The following ANO1 variants were observed in gnomAD, a reference collection of about 807,000 sequenced individuals.
ANO1 encodes anoctamin 1, also known as anoctamin-1.
ANO1 carries 59 observed loss-of-function variants against 124.0 expected under a neutral mutation model. The observed-to-expected ratio is 0.48, with a 90% CI of 0.39 to 0.59. The LOEUF (loss-of-function observed/expected upper bound fraction) is 0.59. ANO1 is among the 20% of genes least tolerant of loss of function. The pLI is 0.00. For synonymous variants in ANO1, 529 were observed against 532.0 expected (o/e 0.99, Z 0.08); for missense variants, 1,059 against 1,328.0 (o/e 0.80, Z 3.15).
chr11:70,038,757 A>G (rs1857134453), intron 1 of ANO1, among the ~76,000 whole-genome samples: 1 of 152,206 alleles, frequency 6.6e-6, no homozygotes, highest in Non-Finnish European at 1.5e-5. Flanking sequence ...CCGCAGGACC[A>G]GAAGACCTCG....
the ANO1 span, among the ~76,000 whole-genome samples, chr11:69,976,165 C>A: frequency 2.0e-5 from 3 of 152,146 alleles, no homozygotes; most frequent in African/African-American, 7.2e-5. Context: ...TCCAGGACCT[C>A]AGCATGCAAC....
intron 1 of ANO1, among the ~76,000 whole-genome samples, chr11:70,066,407 A>G (rs1857719449): frequency 1.3e-5 from 2 of 152,156 alleles, no homozygotes; most frequent in Admixed American, 1.3e-4. Context: ...GGGGTCCCAG[A>G]GCCCACATGA....
intron 4 of ANO1, 130 bp from the exon 5 acceptor site, chr11:70,105,604 G>T: frequency 3.6e-6 from 3 of 824,910 alleles, no homozygotes; most frequent in East Asian, 2.6e-5. Context: ...CATACCTGGC[G>T]TGCGGACAGA....
intron 1 of ANO1, among the ~76,000 whole-genome samples, chr11:70,053,028 A>G (rs1591059213): frequency 6.6e-6 from 1 of 152,112 alleles, no homozygotes; most frequent in Non-Finnish European, 1.5e-5. Context: ...AATGTTGTTT[A>G]AAAAGGCATG....
At chr11:69,993,545 C>T (rs1434934852) in intron 1 of ANO1, among the ~76,000 whole-genome samples, 5 of 152,152 alleles carry the variant, frequency 3.3e-5, no homozygotes, top group Admixed American at 2.6e-4. Context: ...CCAAAGGTAG[C>T]GTTTGCTTCC....
chr11:70,089,194 G>A (rs2044521675), intron 2 of ANO1, among the ~76,000 whole-genome samples: 1 of 152,182 alleles, frequency 6.6e-6, no homozygotes, highest in South Asian at 2.1e-4. Flanking sequence ...AATCGACAAA[G>A]TCTCTAAAAC....
intron 25 of ANO1, among the ~76,000 whole-genome samples, chr11:70,186,356 A>G (rs11235490): frequency 1.0e-3 from 66 of 63,686 alleles, no homozygotes; most frequent in Middle Eastern, 8.5e-3. Context: ...GGGAGGGAGG[A>G]AGGAAGGAAG....
intron 21 of ANO1, among the ~76,000 whole-genome samples, chr11:70,170,485 G>A (rs575563634): frequency 3.3e-5 from 5 of 152,272 alleles, no homozygotes; most frequent in East Asian, 1.9e-4. Context: ...CCAGCTACCC[G>A]GGAGGCTGAA....
intron 11 of ANO1, among the ~76,000 whole-genome samples, chr11:70,147,334 G>T (rs747729951): frequency 5.3e-5 from 8 of 152,152 alleles, no homozygotes; most frequent in Non-Finnish European, 1.0e-4. Context: ...AGACCTCCCC[G>T]CATTGCCTCC....
chr11:69,968,352 G>C, the ANO1 span, among the ~76,000 whole-genome samples: 1 of 152,186 alleles, frequency 6.6e-6, no homozygotes, highest in African/African-American at 2.4e-5. Flanking sequence ...CTGCCTCTGG[G>C]GCCCTCTGGC....
chr11:70,042,413 G>T (rs917694023), intron 1 of ANO1, among the ~76,000 whole-genome samples: 2 of 152,156 alleles, frequency 1.3e-5, no homozygotes, highest in African/African-American at 4.8e-5. Flanking sequence ...AGAGTTCAAG[G>T]AGCCCAAAAA....
chr11:70,085,052 G>T (rs986790830), intron 1 of ANO1, among the ~76,000 whole-genome samples: 1 of 152,172 alleles, frequency 6.6e-6, no homozygotes, highest in African/African-American at 2.4e-5. Context: ...ACTAAGGGGG[G>T]CCGCACCTTG....
rs1373405432 is a variant in ANO1 at position 70,098,431 on chromosome 11, C to T, written c.442-4635C>T. ...CCTGCTGTGCACGGCACACACACCC[C>T]ATGGTTCCTGCCTGACACGGGAGGT... On this transcript the variant is annotated intron_variant, in intron 2 of 25. Coordinates refer to ENST00000355303, the MANE Select transcript of ANO1 (RefSeq NM_018043.7). 2.6e-5 allele frequency among the ~76,000 whole-genome samples: 4 copies of T among 152,252 alleles called. No homozygotes were observed. In the East Asian group the frequency reaches 7.7e-4, roughly 29 times the overall value.
In ANO1 at chr11:70,156,001, T is replaced by C; in HGVS notation, c.1503+13T>C. 4 of 1,510,778 alleles carry C rather than the reference T, an allele frequency of 2.6e-6. No individual in the cohort carries two copies. The highest frequency in any genetic ancestry group is 2.7e-6 in the Non-Finnish European group (3 of 1,129,370). 93.6% of individuals were successfully genotyped at this position (1,510,778 alleles called of 1,614,324 possible). On this transcript the variant is annotated intron_variant, in intron 15 of 25. Coordinates refer to ENST00000355303, the MANE Select transcript of ANO1 (RefSeq NM_018043.7). Reference sequence around the variant, plus strand: ...GGGGGTGAAATTGGTACTTTTCTATTTTGCGGGCAGCGCGCGTCTTGACTG... The same window carrying C: ...GGGGGTGAAATTGGTACTTTTCTATCTTGCGGGCAGCGCGCGTCTTGACTG...
chr11:70,160,455 G>C (rs79119682), intron 16 of ANO1, among the ~76,000 whole-genome samples: 17,097 of 152,216 alleles, frequency 0.11, 1,036 homozygotes, highest in Middle Eastern at 0.15. Flanking sequence ...GGTTTCTCAG[G>C]CAACCACCAA....
chr11:70,181,445 G>C (rs2048925266), intron 23 of ANO1, among the ~76,000 whole-genome samples: 2 of 152,250 alleles, frequency 1.3e-5, no homozygotes, highest in African/African-American at 4.8e-5. Context: ...GAAGGCTGCA[G>C]GCAGAGTGTG....
intron 12 of ANO1, among the ~76,000 whole-genome samples, chr11:70,150,630 G>T (rs2047565959): frequency 6.6e-6 from 1 of 152,090 alleles, no homozygotes; most frequent in South Asian, 2.1e-4. Context: ...GACCTCCCGG[G>T]CTCAAGCCCT....
At chr11:69,988,022 C>A (rs1311438286) in intron 1 of ANO1, among the ~76,000 whole-genome samples, 2 of 152,118 alleles carry the variant, frequency 1.3e-5, no homozygotes, top group African/African-American at 4.8e-5. Flanking sequence ...GGAGTAAGAC[C>A]CCAGGACGGG....
At position 70,072,774 on chromosome 11, in the gene ANO1, T is replaced by G. The variant is rs1349011751; in HGVS notation, c.59-5768T>G. On this transcript the variant is annotated intron_variant, in intron 1 of 27. Transcript: ENST00000531349. ...CCCGTGGAAGGTACAGGGATGAGTC[T>G]GTGGCTGAGAGCGGCTCTCATGGGG... 4 of 152,338 alleles carry G rather than the reference T, an allele frequency of 2.6e-5. No individual in the cohort carries two copies. In the East Asian group the frequency reaches 7.7e-4, roughly 29 times the overall value. 9.4% of individuals were successfully genotyped at this position (152,338 alleles called of 1,614,324 possible).
Sources: gnomAD v4.1 joint callset for allele counts (sites outside exome capture counted in the v4.1 genomes callset) on GRCh38, gnomAD v4.1.1 for gene constraint, MANE v1.5 for transcripts, NCBI Gene and HGNC (gene_info 2026-07-23, HGNC 2026-07-21) for gene names.